The following MRPS28 variants were observed in gnomAD, a reference collection of about 807,000 sequenced individuals.
MRPS28 encodes small ribosomal subunit protein bS1m.
In MRPS28, 7 loss-of-function variants were observed where a neutral mutation model predicts 10.8. The observed-to-expected ratio is 0.65, with a 90% CI of 0.37 to 1.22. The LOEUF (loss-of-function observed/expected upper bound fraction) is 1.22. MRPS28 is among the 50% of genes most tolerant of loss of function. The pLI, the probability that MRPS28 is intolerant of heterozygous loss-of-function variation, is 0.02. For missense variants in MRPS28, 265 were observed against 232.9 expected (o/e 1.14, Z -0.90); for synonymous variants, 121 against 93.3 (o/e 1.30, Z -1.71).
chr8:79,919,692 A>T (rs1431526939), intron 2 of MRPS28, among the ~76,000 whole-genome samples: 2 of 152,254 alleles, frequency 1.3e-5, no homozygotes, highest in African/African-American at 4.8e-5. Flanking sequence ...ACGGAAATTC[A>T]AGCAAGACAG....
chr8:80,011,786 CAA>C (rs1351249858), intron 1 of MRPS28, among the ~76,000 whole-genome samples: 1 of 151,860 alleles, frequency 6.6e-6, no homozygotes, highest in East Asian at 1.9e-4. Context: ...AAAAACAAAA[CAA>C]AACAAAAAAC....
chr8:80,005,503 G>C (rs1358740478), intron 1 of MRPS28, among the ~76,000 whole-genome samples: 2 of 152,156 alleles, frequency 1.3e-5, no homozygotes, highest in African/African-American at 4.8e-5. Context: ...ACATGGAAAG[G>C]AACAACCGGT....
In MRPS28 at chr8:79,921,946, A is replaced by G. The variant is rs896629996; in HGVS notation, c.396-2798T>C. Among the ~76,000 whole-genome samples the G allele has an allele frequency of 2.6e-5, 4 of 152,144 alleles. No individual in the cohort carries two copies. The East Asian group carries it at 5.8e-4, about 22-fold the overall frequency. On this transcript the variant is annotated intron_variant, in intron 2 of 2. Coordinates refer to ENST00000276585, the MANE Select transcript of MRPS28 (RefSeq NM_014018.3). Reference sequence around the variant, plus strand: ...GTCATAGACAGCTCTTATTATTTTGAGATACGTCCCATCAATACCTAATTT... The same window carrying G: ...GTCATAGACAGCTCTTATTATTTTGGGATACGTCCCATCAATACCTAATTT...
chr8:79,958,449 A>T (rs758916680), intron 2 of MRPS28: 1 of 653,910 alleles, frequency 1.5e-6, no homozygotes, highest in South Asian at 1.7e-5. Flanking sequence ...AGTGAAGGAG[A>T]AAATGTTGAG....
chr8:80,024,333 A>C (rs1183975125), intron 1 of MRPS28, among the ~76,000 whole-genome samples: 1 of 152,174 alleles, frequency 6.6e-6, no homozygotes, highest in Non-Finnish European at 1.5e-5. Flanking sequence ...AGTAAAAGAA[A>C]AGTAGGTAAG....
intron 1 of MRPS28, among the ~76,000 whole-genome samples, chr8:80,025,330 A>T (rs28530536): frequency 0.21 from 31,583 of 152,168 alleles, 8,619 homozygotes; most frequent in African/African-American, 0.63. Context: ...ACACCCCATG[A>T]GTTGATACGG....
chr8:80,009,030 G>A, intron 1 of MRPS28, among the ~76,000 whole-genome samples: 1 of 152,168 alleles, frequency 6.6e-6, no homozygotes. Context: ...CAACCCAAAT[G>A]TCCATCAGTG....
At chr8:79,952,131 A>T (rs1258015655) in intron 2 of MRPS28, among the ~76,000 whole-genome samples, 1 of 152,174 alleles carries the variant, frequency 6.6e-6, no homozygotes, top group Non-Finnish European at 1.5e-5. Flanking sequence ...CCTTCCTCCA[A>T]GTAGATTTCA....
chr8:79,937,758 T>A (rs1038045354), intron 2 of MRPS28, among the ~76,000 whole-genome samples: 2 of 152,252 alleles, frequency 1.3e-5, no homozygotes, highest in African/African-American at 4.8e-5. Flanking sequence ...GGTTTTATTT[T>A]TAAAGAATGA....
intron 1 of MRPS28, among the ~76,000 whole-genome samples, chr8:80,004,342 C>T (rs1463431659): frequency 6.6e-6 from 1 of 152,220 alleles, no homozygotes; most frequent in African/African-American, 2.4e-5. Flanking sequence ...ATTCGCTGTT[C>T]CGCAGCCTCT....
chr8:79,995,499 A>G (rs557234897), intron 2 of MRPS28, among the ~76,000 whole-genome samples: 4 of 152,166 alleles, frequency 2.6e-5, no homozygotes, highest in Non-Finnish European at 5.9e-5. Context: ...TGGAGGTGTT[A>G]AAGTCTCAAC....
chr8:79,938,809 G>A (rs911791367), intron 2 of MRPS28, among the ~76,000 whole-genome samples: 2 of 152,142 alleles, frequency 1.3e-5, no homozygotes, highest in African/African-American at 4.8e-5. Flanking sequence ...TATAGGTTCA[G>A]TTTTATAAAT....
chr8:79,924,915 CTT>C (rs1401751303), intron 2 of MRPS28, among the ~76,000 whole-genome samples: 1 of 152,156 alleles, frequency 6.6e-6, no homozygotes, highest in Non-Finnish European at 1.5e-5. Context: ...TAACCTCTAA[CTT>C]ATTTCTAGAC....
At position 80,003,796 on chromosome 8, in the gene MRPS28, C is replaced by T. The variant is rs530229358; in HGVS notation, c.214-616G>A. ...TCGGGTCACTCCCACCTTAATAGTGCGCTTTTCCAATGGTCTTAGCCAACG... is the reference window on the plus strand; with the variant it reads ...TCGGGTCACTCCCACCTTAATAGTGTGCTTTTCCAATGGTCTTAGCCAACG... On this transcript the variant is annotated intron_variant, in intron 1 of 2. Transcript: ENST00000276585. Among the ~76,000 whole-genome samples, 295 of 152,290 alleles carry T rather than the reference C, an allele frequency of 1.9e-3. 2 individuals are homozygous for T. The highest frequency in any genetic ancestry group is 6.7e-3 in the African/African-American group (279 of 41,552).
At chr8:79,962,486 GA>G (rs1383903364) in intron 2 of MRPS28, among the ~76,000 whole-genome samples, 5 of 152,244 alleles carry the variant, frequency 3.3e-5, no homozygotes, top group Middle Eastern at 3.4e-3. Context: ...TCAAGAGACA[GA>G]AAGTATCAAA....
At chr8:79,985,408 C>T (rs1424972832) in intron 2 of MRPS28, among the ~76,000 whole-genome samples, 1 of 151,892 alleles carries the variant, frequency 6.6e-6, no homozygotes, top group Non-Finnish European at 1.5e-5. Flanking sequence ...TAGCAGAAGG[C>T]AAGAAATAAC....
chr8:80,026,755 G>C (rs1307271493), intron 1 of MRPS28, among the ~76,000 whole-genome samples: 1 of 152,116 alleles, frequency 6.6e-6, no homozygotes, highest in Non-Finnish European at 1.5e-5. Flanking sequence ...TAAAAAAAAT[G>C]GCATGTGCAT....
At chr8:79,958,683 G>T (rs1197652186) in intron 2 of MRPS28, among the ~76,000 whole-genome samples, 1 of 152,076 alleles carries the variant, frequency 6.6e-6, no homozygotes, top group African/African-American at 2.4e-5. Context: ...CTGATATTCT[G>T]TTCTGTTAAC....
intron 2 of MRPS28, among the ~76,000 whole-genome samples, chr8:79,978,957 A>G (rs1339948368): frequency 1.3e-5 from 2 of 152,236 alleles, no homozygotes; most frequent in African/African-American, 4.8e-5. Flanking sequence ...AACATATCTT[A>G]GTAGTCATTT....
Sources: allele counts gnomAD v4.1 joint callset (sites outside exome capture counted in the v4.1 genomes callset), GRCh38; gene constraint gnomAD v4.1.1; transcripts MANE v1.5; gene names NCBI Gene and HGNC (gene_info 2026-07-23, HGNC 2026-07-21).